The following COL5A2 variants were observed in gnomAD, a reference collection of about 807,000 sequenced individuals.
COL5A2 encodes the protein collagen type V alpha 2 chain, also known as collagen alpha-2(V) chain.
A neutral mutation model predicts 208.2 loss-of-function variants in COL5A2; 23 were observed. The ratio of observed to expected loss-of-function variants is 0.11; its 90% CI spans 0.08 to 0.16. The LOEUF (loss-of-function observed/expected upper bound fraction) is 0.16. COL5A2 is among the 10% of genes least tolerant of loss of function. The pLI is 1.00. For synonymous variants in COL5A2, 625 were observed against 628.5 expected, an observed-to-expected ratio of 0.99 and a Z score of 0.08; for missense variants, 1,590 against 1,956.4, an observed-to-expected ratio of 0.81 and a Z score of 3.53.
chr2:189,041,753 C>G, intron 49 of COL5A2, 60 bp from the exon 50 acceptor site: 1 of 1,082,344 alleles, frequency 9.2e-7, no homozygotes, highest in Non-Finnish European at 1.4e-6. Flanking sequence ...CAATGCCTTT[C>G]TCTAATCAAA....
intron 1 of COL5A2, among the ~76,000 whole-genome samples, chr2:189,133,744 A>G (rs1232521640): frequency 6.6e-6 from 1 of 152,186 alleles, no homozygotes; most frequent in East Asian, 1.9e-4. Context: ...AGCTAGAAAA[A>G]GAAGCTAGAG....
chr2:189,274,196 A>C, the COL5A2 span, among the ~76,000 whole-genome samples: 3 of 152,144 alleles, frequency 2.0e-5, no homozygotes, highest in Non-Finnish European at 4.4e-5. Flanking sequence ...TAATAAGATA[A>C]ATAAGGTATA....
At chr2:189,122,349 G>A (rs1015612379) in intron 1 of COL5A2, among the ~76,000 whole-genome samples, 1 of 152,128 alleles carries the variant, frequency 6.6e-6, no homozygotes, top group African/African-American at 2.4e-5. Context: ...TGAGGTGGTG[G>A]GGGTAAGGAA....
intron 11 of COL5A2, 69 bp from the exon 12 acceptor site, chr2:189,084,106 T>C: frequency 3.8e-6 from 4 of 1,057,418 alleles, no homozygotes; most frequent in South Asian, 1.3e-5. Context: ...TGAAACTAAA[T>C]GATAAATAAA....
the COL5A2 span, among the ~76,000 whole-genome samples, chr2:189,280,153 C>T: frequency 4.8e-4 from 73 of 152,120 alleles, no homozygotes; most frequent in South Asian, 0.014. Context: ...ATTTTTGGTG[C>T]GTATAAGTCA....
chr2:189,285,071 GGTGTGTGT>G, the COL5A2 span, among the ~76,000 whole-genome samples: 18 of 139,790 alleles, frequency 1.3e-4, no homozygotes, highest in South Asian at 4.9e-4. Flanking sequence ...GCATGCACAT[GGTGTGTGT>G]GTGTGTGTGT....
chr2:189,054,526 G>C (rs1685860249), intron 35 of COL5A2, among the ~76,000 whole-genome samples: 1 of 152,034 alleles, frequency 6.6e-6, no homozygotes, highest in Non-Finnish European at 1.5e-5. Flanking sequence ...CTATTTCTTA[G>C]CATAATTAGC....
chr2:189,256,243 G>A, the COL5A2 span, among the ~76,000 whole-genome samples: 125 of 152,266 alleles, frequency 8.2e-4, no homozygotes, highest in African/African-American at 2.9e-3. Context: ...TGTTTTGAGA[G>A]CACTATCCTT....
chr2:189,052,405 T>A (rs1367944663), intron 40 of COL5A2, among the ~76,000 whole-genome samples, 180 bp from the exon 41 acceptor site: 1 of 152,158 alleles, frequency 6.6e-6, no homozygotes. Flanking sequence ...GATTAACTGG[T>A]AGGAAGGGCA....
At chr2:189,060,850 G>T in intron 30 of COL5A2, 67 bp from the exon 31 acceptor site, 1 of 1,185,004 alleles carries the variant, frequency 8.4e-7, no homozygotes, top group Non-Finnish European at 1.3e-6. Context: ...AGTGTTAACA[G>T]TTTACCTTTT....
chr2:189,107,703 T>C (rs906833451), intron 2 of COL5A2, among the ~76,000 whole-genome samples: 3 of 148,910 alleles, frequency 2.0e-5, no homozygotes, highest in Non-Finnish European at 4.5e-5. Context: ...TGTTTCACTG[T>C]GTTTTCAAGT....
chr2:189,055,513 CAAG>C (rs370362996), intron 35 of COL5A2, among the ~76,000 whole-genome samples: 11 of 152,108 alleles, frequency 7.2e-5, no homozygotes, highest in African/African-American at 2.7e-4. Flanking sequence ...ATAGATTTGA[CAAG>C]AACATAAGAA....
the COL5A2 span, among the ~76,000 whole-genome samples, chr2:189,387,836 G>A: frequency 1.3e-5 from 2 of 152,194 alleles, no homozygotes; most frequent in African/African-American, 2.4e-5. Context: ...GAAAGATGGG[G>A]TGCAATGGTA....
At chr2:189,049,322 G>C (rs1559078670) in intron 44 of COL5A2, 25 bp downstream of exon 44, 1 of 1,479,552 alleles carries the variant, frequency 6.8e-7, no homozygotes, top group South Asian at 1.2e-5. Flanking sequence ...AACAAGAGAA[G>C]AGTTATTTTC....
intron 1 of COL5A2, among the ~76,000 whole-genome samples, chr2:189,165,552 A>G (rs997479659): frequency 1.3e-5 from 2 of 152,176 alleles, no homozygotes; most frequent in African/African-American, 2.4e-5. Flanking sequence ...AAAAGTACTA[A>G]TAACATCCAC....
At chr2:189,054,070 C>T (rs961515204) in intron 36 of COL5A2, 89 bp downstream of exon 36, 7 of 1,399,804 alleles carry the variant, frequency 5.0e-6, no homozygotes, top group Non-Finnish European at 6.1e-6. Flanking sequence ...GCTCAGATAC[C>T]ATATGTTATA....
the COL5A2 span, among the ~76,000 whole-genome samples, chr2:189,362,387 C>A: frequency 6.6e-6 from 1 of 152,060 alleles, no homozygotes; most frequent in Admixed American, 6.6e-5. Context: ...ATTATTTTCC[C>A]TTTACCCATA....
chr2:189,413,307 C>G, the COL5A2 span, among the ~76,000 whole-genome samples: 2 of 152,084 alleles, frequency 1.3e-5, 1 homozygote, highest in Non-Finnish European at 2.9e-5. Context: ...ACTTATTTCC[C>G]AAACAGAGAA....
chr2:189,320,378 G>C, the COL5A2 span, among the ~76,000 whole-genome samples: 1 of 152,146 alleles, frequency 6.6e-6, no homozygotes. Context: ...GAGCTAAAGG[G>C]GGAAGTTTGA....
Sources: allele counts gnomAD v4.1 joint callset (sites outside exome capture counted in the v4.1 genomes callset), GRCh38; gene constraint gnomAD v4.1.1; transcripts MANE v1.5; gene names NCBI Gene and HGNC (gene_info 2026-07-23, HGNC 2026-07-21).